PCM1: variants seen among roughly 807,000 people sequenced by gnomAD.
PCM1 encodes pericentriolar material 1.
A neutral mutation model predicts 241.9 loss-of-function variants in PCM1; 157 were observed. The observed-to-expected ratio is 0.65, with a 90% CI of 0.57 to 0.74. The LOEUF is 0.74. Ranked by LOEUF, PCM1 falls within the 30% of genes least tolerant of loss-of-function variation. PCM1 has a pLI of 0.00. For synonymous variants in PCM1, 1,085 were observed against 784.9 expected, an observed-to-expected ratio of 1.38 and a Z score of -6.39; for missense variants, 3,478 against 2,360.1, an observed-to-expected ratio of 1.47 and a Z score of -9.81.
Position 18,014,019 on chromosome 8 carries a change from G to C in PCM1, c.5567G>C (p.Arg1856Pro), listed in dbSNP as rs113052360. The change falls in exon 35 of 39, where the codon CGA becomes CCA. Residue 1856 changes from arginine to proline, a missense_variant. Arg to Pro is a moderately radical substitution (Grantham distance 103). Coordinates refer to ENST00000325083, the MANE Select transcript of PCM1 (RefSeq NM_006197.4). ...TAESKNVPLE[R>P]EATSKNDQNN... ...GAAAGCAAAAATGTCCCATTGGAAC[G>C]AGAAGCCACTAGTAAAAGTAAGAAA... The C allele has an allele frequency of 5.6e-6, 9 of 1,593,078 alleles. No homozygotes were observed. Among genetic ancestry groups the C allele is most frequent in the Non-Finnish European group, 7.7e-6 (9 of 1,167,564 alleles).
intron 34 of PCM1, among the ~76,000 whole-genome samples, chr8:18,012,775 G>C (rs1422503341): frequency 1.3e-5 from 2 of 152,030 alleles, no homozygotes; most frequent in East Asian, 1.9e-4. Context: ...TTGATCTTCT[G>C]ATTTTCTCCT....
At chr8:18,027,436 T>C (rs767179862) in intron 38 of PCM1, among the ~76,000 whole-genome samples, 48 of 152,248 alleles carry the variant, frequency 3.2e-4, no homozygotes, top group Non-Finnish European at 4.8e-4. Context: ...AAGTATCTGC[T>C]CAGTCTGCCT....
intron 6 of PCM1, among the ~76,000 whole-genome samples, chr8:17,941,847 A>G (rs878982095): frequency 1.4e-5 from 2 of 145,050 alleles, no homozygotes; most frequent in Non-Finnish European, 3.0e-5. Context: ...TATACTTTAC[A>G]ATATTAACTT....
chr8:17,959,184 C>CT (rs2070376548), intron 13 of PCM1, among the ~76,000 whole-genome samples: 1 of 151,958 alleles, frequency 6.6e-6, no homozygotes, highest in Non-Finnish European at 1.5e-5. Context: ...ATATAATACA[C>CT]TAAGTATTAT....
intron 7 of PCM1, among the ~76,000 whole-genome samples, chr8:17,948,294 CTTTTTTTTTTTTTTTT>C (rs550672840): frequency 1.6e-5 from 1 of 63,950 alleles, no homozygotes; most frequent in Admixed American, 2.1e-4. Flanking sequence ...CAAATAACCT[CTTTTTTTTTTTTTTTT>C]TTTTTTTTTT....
At position 17,957,566 on chromosome 8, in the gene PCM1, C is replaced by T; in HGVS notation, c.1831C>T (p.Gln611Ter). 5 of 1,574,524 alleles carry T rather than the reference C, an allele frequency of 3.2e-6. No homozygotes were observed. The highest frequency in any genetic ancestry group is 3.5e-6 in the Non-Finnish European group (4 of 1,158,362). ...LDCRYNREGE[Q>*]EIHVAQGEDD... ...TTGTCGATATAATAGAGAAGGGGAA[C>T]AGGAGATTCATGTTGCACAAGGTGA... Residue 611 changes from glutamine (Q) to a stop codon, truncating the protein, a stop_gained, in exon 13 of 39, where the codon CAG (glutamine) becomes TAG (stop). Transcript: ENST00000325083. LOFTEE classifies it high-confidence loss of function.
intron 36 of PCM1, 23 bp downstream of exon 36, chr8:18,014,863 A>G (rs1420340388): frequency 6.5e-7 from 1 of 1,541,214 alleles, no homozygotes; most frequent in South Asian, 1.2e-5. Context: ...TACATTTCCA[A>G]ATATTTTTAC....
At chr8:17,973,588 C>T (rs750709382) in intron 23 of PCM1, among the ~76,000 whole-genome samples, 8 of 151,784 alleles carry the variant, frequency 5.3e-5, no homozygotes, top group East Asian at 3.9e-4. Flanking sequence ...GCATGGTGGG[C>T]GTGCCTGTAA....
intron 6 of PCM1, among the ~76,000 whole-genome samples, chr8:17,946,127 A>G (rs1011822485): frequency 7.2e-5 from 11 of 152,150 alleles, no homozygotes; most frequent in African/African-American, 2.7e-4. Context: ...TTTAAGATTA[A>G]CACTTAAAAT....
intron 30 of PCM1, among the ~76,000 whole-genome samples, chr8:18,008,453 A>G (rs895291883): frequency 4.6e-5 from 7 of 152,086 alleles, no homozygotes; most frequent in African/African-American, 1.4e-4. Context: ...AGTGTAATAA[A>G]GGGCACAGTC....
chr8:17,945,741 C>T (rs1377858814), intron 6 of PCM1, among the ~76,000 whole-genome samples: 1 of 152,110 alleles, frequency 6.6e-6, no homozygotes, highest in African/African-American at 2.4e-5. Context: ...CTGCATGCTC[C>T]ATAATTTCTC....
chr8:17,980,547 G>A, intron 23 of PCM1, 44 bp from the exon 24 acceptor site: 1 of 1,511,272 alleles, frequency 6.6e-7, no homozygotes, highest in Non-Finnish European at 8.9e-7. Context: ...CTTTTAGTTT[G>A]AGTTAGTTGC....
Position 17,991,618 on chromosome 8 carries a change from T to C in PCM1, c.4608T>C (p.Ser1536=), listed in dbSNP as rs1482708338. The C allele has an allele frequency of 2.5e-6, 4 of 1,584,568 alleles. No homozygotes were observed. In the Admixed American group the frequency reaches 7.2e-5, roughly 29 times the overall value. The change falls in exon 28 of 39, where the codon AGT becomes AGC. Residue 1536 remains serine, a synonymous_variant. Transcript: ENST00000325083. ...EYERMKTEAE[S]NSNMRCTCRI... is the part of the protein sequence containing the mutation. ...AGCGTATGAAGACTGAGGCTGAAAG[T>C]AACTCAAATATGAGATGCACCTGCA... is the stretch of plus-strand genomic sequence containing the variant.
rs541853533 is a variant in PCM1, at chr8:17,965,964, T to G, written c.2856-35T>G. On this transcript the variant is annotated intron_variant, in intron 18 of 38. Transcript: ENST00000325083. ...CTGTATTTTAAAAACCAAATTATTA[T>G]GTATGATGACTTAATGCTTTCAATC... 41 of 1,490,366 alleles carry G rather than the reference T, an allele frequency of 2.8e-5. 1 individual carries two copies. In the East Asian group the frequency reaches 8.9e-4, roughly 32 times the overall value. 92.3% of individuals were successfully genotyped at this position (1,490,366 alleles called of 1,614,324 possible).
At chr8:17,923,280 G>A (rs1768243968) in intron 1 of PCM1, 92 bp downstream of exon 1, 1 of 152,442 alleles carries the variant, frequency 6.6e-6, no homozygotes, top group Non-Finnish European at 1.5e-5. Flanking sequence ...GGCCCTGTTG[G>A]GTCTGGCCAC....
At chr8:18,015,575 A>G (rs953076778) in intron 36 of PCM1, 1 of 152,018 alleles carries the variant, frequency 6.6e-6, no homozygotes, top group African/African-American at 2.4e-5. Flanking sequence ...TTACTTCCAC[A>G]TTTTCCAAAT....
intron 34 of PCM1, 46 bp from the exon 35 acceptor site, chr8:18,013,918 G>C (rs373324052): frequency 8.0e-6 from 9 of 1,124,988 alleles, no homozygotes; most frequent in East Asian, 7.3e-5. Context: ...CTTTTATAGT[G>C]ACCATATATT....
At chr8:17,930,135 G>A (rs1303488266) in intron 2 of PCM1, among the ~76,000 whole-genome samples, 8 of 132,734 alleles carry the variant, frequency 6.0e-5, no homozygotes, top group Non-Finnish European at 3.1e-5. Context: ...ACAGAGTCTC[G>A]CTCTTCCGCC....
chr8:17,936,788 G>A (rs1360684470), intron 3 of PCM1, among the ~76,000 whole-genome samples: 2 of 152,028 alleles, frequency 1.3e-5, no homozygotes, highest in Admixed American at 1.3e-4. Context: ...GATCGGTAAA[G>A]GTATCTGTAA....
Sources: allele counts gnomAD v4.1 joint callset (sites outside exome capture counted in the v4.1 genomes callset), GRCh38; gene constraint gnomAD v4.1.1; transcripts MANE v1.5; gene names NCBI Gene and HGNC (gene_info 2026-07-23, HGNC 2026-07-21).